Variants in SPATA6 observed in about 807,000 individuals in gnomAD.
SPATA6 encodes spermatogenesis associated 6, also known as spermatogenesis-associated protein 6.
A neutral mutation model predicts 65.3 loss-of-function variants in SPATA6; 56 were observed. The observed-to-expected ratio is 0.86, with a 90% CI of 0.69 to 1.07. SPATA6 has a LOEUF of 1.07. Among genes scored for constraint, SPATA6 ranks in the 50% least tolerant of loss-of-function variants. The pLI is 0.00. For synonymous variants in SPATA6, 199 were observed against 213.2 expected (o/e 0.93, Z 0.58); for missense variants, 590 against 594.8 (o/e 0.99, Z 0.08).
intron 9 of SPATA6, among the ~76,000 whole-genome samples, chr1:48,381,080 T>C (rs891751475): frequency 3.9e-5 from 6 of 152,118 alleles, no homozygotes; most frequent in Admixed American, 6.5e-5. Flanking sequence ...CGTGCTCCTA[T>C]GAGAATCTAA....
the SPATA6 span, among the ~76,000 whole-genome samples, chr1:48,276,800 A>G: frequency 6.6e-6 from 1 of 152,218 alleles, no homozygotes; most frequent in South Asian, 2.1e-4. Context: ...AGAAGAATGT[A>G]TATTATGTTG....
chr1:48,287,031 C>T, the SPATA6 span, among the ~76,000 whole-genome samples: 1 of 126,252 alleles, frequency 7.9e-6, no homozygotes, highest in Non-Finnish European at 1.6e-5. Context: ...AAGAGTTAGA[C>T]TGTCTCAAAA....
At chr1:48,353,165 G>T (rs184824293) in intron 11 of SPATA6, among the ~76,000 whole-genome samples, 7 of 151,860 alleles carry the variant, frequency 4.6e-5, no homozygotes, top group Admixed American at 2.0e-4. Flanking sequence ...ATAATTTCTT[G>T]TGTTTTATAC....
the SPATA6 span, among the ~76,000 whole-genome samples, chr1:48,270,226 A>C: frequency 2.0e-5 from 3 of 152,132 alleles, no homozygotes; most frequent in Admixed American, 6.5e-5. Flanking sequence ...AGTTAAAATA[A>C]TTCTGCATTG....
At chr1:48,273,296 G>A in the SPATA6 span, among the ~76,000 whole-genome samples, 2 of 151,968 alleles carry the variant, frequency 1.3e-5, no homozygotes, top group African/African-American at 4.8e-5. Context: ...TGGTATAATG[G>A]TCCAATTTTA....
At chr1:48,416,258 G>A (rs1370765229) in intron 3 of SPATA6, among the ~76,000 whole-genome samples, 1 of 151,974 alleles carries the variant, frequency 6.6e-6, no homozygotes, top group Non-Finnish European at 1.5e-5. Context: ...AAAAAATACT[G>A]AACCTATAGA....
At chr1:48,283,678 C>CA in the SPATA6 span, among the ~76,000 whole-genome samples, 24 of 60,836 alleles carry the variant, frequency 3.9e-4, no homozygotes, top group African/African-American at 1.3e-3. Flanking sequence ...GACTCCGTCT[C>CA]AAAAAAAAAA....
At chr1:48,349,042 TTGAC>T (rs1646446307) in intron 11 of SPATA6, among the ~76,000 whole-genome samples, 1 of 152,006 alleles carries the variant, frequency 6.6e-6, no homozygotes. Flanking sequence ...TCCTGGCACT[TTGAC>T]TATTTTACTA....
the SPATA6 span, among the ~76,000 whole-genome samples, chr1:48,275,427 A>G: frequency 6.6e-6 from 1 of 152,308 alleles, no homozygotes; most frequent in South Asian, 2.1e-4. Flanking sequence ...TGGTTTTGAA[A>G]GGGAATGATT....
intron 3 of SPATA6, among the ~76,000 whole-genome samples, chr1:48,426,304 T>G (rs1376077245): frequency 2.6e-5 from 4 of 152,178 alleles, no homozygotes; most frequent in Non-Finnish European, 5.9e-5. Flanking sequence ...GAAAGGGGTT[T>G]GTTCATTTCA....
At chr1:48,406,468 T>C (rs1651715096) in intron 5 of SPATA6, among the ~76,000 whole-genome samples, 1 of 152,198 alleles carries the variant, frequency 6.6e-6, no homozygotes. Flanking sequence ...AATTGAAACA[T>C]AAGATTAATC....
chr1:48,280,597 T>C, the SPATA6 span, among the ~76,000 whole-genome samples: 1 of 152,160 alleles, frequency 6.6e-6, no homozygotes, highest in African/African-American at 2.4e-5. Flanking sequence ...AATGGATAAA[T>C]TCCTCGACAC....
intron 9 of SPATA6, among the ~76,000 whole-genome samples, chr1:48,365,128 T>C (rs1646956152): frequency 1.3e-5 from 2 of 152,230 alleles, no homozygotes; most frequent in Admixed American, 1.3e-4. Context: ...TCATTATTTC[T>C]GAGGGCTCTG....
intron 9 of SPATA6, 85 bp from the exon 10 acceptor site, chr1:48,359,855 G>GAC: frequency 4.3e-5 from 43 of 999,302 alleles, no homozygotes; most frequent in Non-Finnish European, 5.4e-5. Flanking sequence ...AGTATGCATA[G>GAC]TAGTCATATG....
chr1:48,394,306 A>C (rs1425974301), intron 8 of SPATA6, among the ~76,000 whole-genome samples: 1 of 152,134 alleles, frequency 6.6e-6, no homozygotes, highest in African/African-American at 2.4e-5. Flanking sequence ...ATCGTCAAGA[A>C]AAATCAGATG....
At chr1:48,379,522 G>A (rs192484886) in intron 9 of SPATA6, among the ~76,000 whole-genome samples, 2 of 152,158 alleles carry the variant, frequency 1.3e-5, no homozygotes, top group Non-Finnish European at 2.9e-5. Context: ...AAAGTTTCAA[G>A]TAGACAGGAT....
Position 48,359,815 on chromosome 1 carries a change from A to T in SPATA6, c.910-45T>A, listed in dbSNP as rs1050569632. 3 of 1,443,092 alleles carry T rather than the reference A, an allele frequency of 2.1e-6. No homozygotes were observed. The African/African-American group carries it at 4.3e-5, about 21-fold the overall frequency. The allele number at this position is 1,443,092 out of a possible 1,614,324, so 89.4% of individuals were successfully genotyped here. A position where few individuals can be genotyped will look rare whatever the true frequency, so the allele number is the denominator to read the frequency against. On this transcript the variant is annotated intron_variant, in intron 9 of 12. Coordinates refer to ENST00000371847, the MANE Select transcript of SPATA6 (RefSeq NM_019073.4). ...CATATAGATATACAAATACAGATAC[A>T]TATGTATATAACATATTATATAGTA... is the stretch of plus-strand genomic sequence containing the variant.
rs544187212 is a variant in SPATA6 at position 48,464,002 on chromosome 1, A to G, written c.51+7956T>C. 6.6e-5 allele frequency among the ~76,000 whole-genome samples: 10 copies of G among 152,212 alleles called. No individual in the cohort carries two copies. In the South Asian group the frequency reaches 2.1e-3, roughly 32 times the overall value. On this transcript the variant is annotated intron_variant, in intron 1 of 12. Transcript: ENST00000371847. ...TATATAATAATTTCACTGGATTAAAAAAAAACATCCCAAATAACTCAACAT... is the reference window on the plus strand; with the variant it reads ...TATATAATAATTTCACTGGATTAAAGAAAAACATCCCAAATAACTCAACAT...
At chr1:48,450,383 CA>C (rs1214310145) in intron 3 of SPATA6, among the ~76,000 whole-genome samples, 2 of 148,276 alleles carry the variant, frequency 1.3e-5, no homozygotes, top group Non-Finnish European at 3.0e-5. Context: ...AGAAAATTTC[CA>C]AAAAATAATA....
Sources: gnomAD v4.1 joint callset for allele counts (sites outside exome capture counted in the v4.1 genomes callset) on GRCh38, gnomAD v4.1.1 for gene constraint, MANE v1.5 for transcripts, NCBI Gene and HGNC (gene_info 2026-07-23, HGNC 2026-07-21) for gene names.